Variants in SPRR2G observed in about 807,000 individuals in gnomAD.
SPRR2G encodes small proline rich protein 2G, also known as small proline-rich protein 2G.
Under a neutral mutation model 0.7 loss-of-function variants are expected in SPRR2G, and 1 was observed. That is an observed-to-expected ratio of 1.49 (90% CI 0.53 to 7.06). The LOEUF (loss-of-function observed/expected upper bound fraction) is 7.06, where lower values mean the gene tolerates loss of function less well. Ranked by LOEUF, SPRR2G falls within the 30% of genes most tolerant of loss-of-function variation. The pLI is 0.14. For synonymous variants in SPRR2G, 38 were observed against 33.9 expected, an observed-to-expected ratio of 1.12 and a Z score of -0.42; for missense variants, 96 against 88.5, an observed-to-expected ratio of 1.09 and a Z score of -0.34.
At chr1:153,166,899 TCCA>T in the SPRR2G span, among the ~76,000 whole-genome samples, 2 of 151,830 alleles carry the variant, frequency 1.3e-5, no homozygotes, top group Non-Finnish European at 2.9e-5. Context: ...ACTGTAAAAA[TCCA>T]CTTGATCTCT....
the SPRR2G span, among the ~76,000 whole-genome samples, chr1:153,187,223 T>A: frequency 6.6e-6 from 1 of 152,198 alleles, no homozygotes; most frequent in Admixed American, 6.5e-5. Flanking sequence ...TTCTCTGTAT[T>A]TCCTGAATTT....
the SPRR2G span, among the ~76,000 whole-genome samples, chr1:153,186,238 T>C: frequency 6.6e-6 from 1 of 152,226 alleles, no homozygotes; most frequent in Non-Finnish European, 1.5e-5. Flanking sequence ...GTCTGCTTGG[T>C]CCAGACCTGA....
upstream of SPRR2G, among the ~76,000 whole-genome samples, chr1:153,154,055 A>G (rs375827367): frequency 1.3e-5 from 2 of 151,908 alleles, no homozygotes; most frequent in South Asian, 2.1e-4. Flanking sequence ...GGAAAGCTTT[A>G]TCTGCCTCTA....
upstream of SPRR2G, among the ~76,000 whole-genome samples, chr1:153,153,314 C>T: frequency 6.6e-6 from 1 of 150,684 alleles, no homozygotes; most frequent in South Asian, 2.1e-4. Flanking sequence ...TGAGTAAATA[C>T]TATGTTAGCA....
At chr1:153,195,209 G>C in the SPRR2G span, among the ~76,000 whole-genome samples, 1 of 152,182 alleles carries the variant, frequency 6.6e-6, no homozygotes, top group African/African-American at 2.4e-5. Context: ...CATCTAGGCA[G>C]TACGTTGCTC....
At chr1:153,199,110 A>C in the SPRR2G span, among the ~76,000 whole-genome samples, 1 of 152,250 alleles carries the variant, frequency 6.6e-6, no homozygotes, top group South Asian at 2.1e-4. Context: ...TTATATAATG[A>C]ATGAGCAAAA....
At position 153,149,699 on chromosome 1, in the gene SPRR2G, T is replaced by A; in HGVS notation, c.*190A>T. 1.4e-6 allele frequency: 1 copy of A among 714,246 alleles called. No individual in the cohort carries two copies. Among genetic ancestry groups the A allele is most frequent in the Non-Finnish European group, 2.3e-6 (1 of 428,596 alleles). 44.2% of individuals were successfully genotyped at this position (714,246 alleles called of 1,614,324 possible). On this transcript the variant is annotated 3_prime_UTR_variant, in exon 2 of 2. Transcript: ENST00000368748. ...ACAGCAAAGCGAGATTAGGCAGTGA[T>A]CTGGCTGCTCATCTTCCAACAACAT...
chr1:153,149,620 G>T lies in SPRR2G; in HGVS notation c.*269C>A, dbSNP rs1307989547. The T allele has an allele frequency of 3.7e-6, 2 of 534,162 alleles. No individual in the cohort carries two copies. Among genetic ancestry groups the T allele is most frequent in the Admixed American group, 3.2e-5 (1 of 30,870 alleles). 33.1% of individuals were successfully genotyped at this position (534,162 alleles called of 1,614,324 possible). ...GAAACATGTGCTTTATTGGGGAGAAGCAAAAGAATAAACACACTTGCTCTC... is the reference window on the plus strand; with the variant it reads ...GAAACATGTGCTTTATTGGGGAGAATCAAAAGAATAAACACACTTGCTCTC... On this transcript the variant is annotated 3_prime_UTR_variant, in exon 2 of 2. Transcript: ENST00000368748.
upstream of SPRR2G, among the ~76,000 whole-genome samples, chr1:153,151,585 C>A (rs548803236): frequency 2.6e-5 from 4 of 152,250 alleles, no homozygotes; most frequent in South Asian, 8.3e-4. Context: ...TCTCTGTGGC[C>A]CTTGTAACTA....
At chr1:153,197,784 G>A in the SPRR2G span, among the ~76,000 whole-genome samples, 1 of 151,964 alleles carries the variant, frequency 6.6e-6, no homozygotes, top group Non-Finnish European at 1.5e-5. Context: ...GTATATAGAA[G>A]ATAAAAAATA....
the SPRR2G span, among the ~76,000 whole-genome samples, chr1:153,157,713 C>A: frequency 3.9e-5 from 6 of 152,042 alleles, no homozygotes; most frequent in Non-Finnish European, 2.9e-5. Context: ...AATGTGAAAT[C>A]TATCCTCTTA....
At chr1:153,195,354 C>T in the SPRR2G span, among the ~76,000 whole-genome samples, 1 of 152,216 alleles carries the variant, frequency 6.6e-6, no homozygotes, top group Non-Finnish European at 1.5e-5. Context: ...CCGGCTCCTC[C>T]TCCAAGCAAG....
chr1:153,151,527 G>T (rs1250579814), upstream of SPRR2G, among the ~76,000 whole-genome samples: 1 of 152,058 alleles, frequency 6.6e-6, no homozygotes, highest in East Asian at 1.9e-4. Context: ...AGTCATGTTG[G>T]GGCCCCTTCT....
chr1:153,202,309 T>C, the SPRR2G span, among the ~76,000 whole-genome samples: 1 of 152,170 alleles, frequency 6.6e-6, no homozygotes, highest in Admixed American at 6.5e-5. Context: ...CCCTCCCTTT[T>C]CCTTCCACCA....
At chr1:153,171,314 G>A in the SPRR2G span, among the ~76,000 whole-genome samples, 1 of 152,112 alleles carries the variant, frequency 6.6e-6, no homozygotes, top group Non-Finnish European at 1.5e-5. Flanking sequence ...CTCAAAAAGA[G>A]AGTAAATAAC....
In SPRR2G at chr1:153,150,118, C is replaced by T; in HGVS notation, c.-8G>A. On this transcript the variant is annotated 5_prime_UTR_variant, in exon 2 of 2. Coordinates refer to ENST00000368748, the MANE Select transcript of SPRR2G (RefSeq NM_001014291.4). Reference sequence around the variant, plus strand: ...CTGCTGCTGGTAAGACATCTCTCCTCAGTCTCAGAGAATCTGAAAGATACA... The same window carrying T: ...CTGCTGCTGGTAAGACATCTCTCCTTAGTCTCAGAGAATCTGAAAGATACA... 6.2e-7 allele frequency: 1 copy of T among 1,611,718 alleles called. No homozygotes were observed. The highest frequency in any genetic ancestry group is 8.5e-7 in the Non-Finnish European group (1 of 1,179,838).
rs930024920 is a variant in SPRR2G at position 153,150,128 on chromosome 1, G to T, written c.-18C>A. On this transcript the variant is annotated 5_prime_UTR_variant, in exon 2 of 2. Coordinates refer to ENST00000368748, the MANE Select transcript of SPRR2G (RefSeq NM_001014291.4). Reference sequence around the variant, plus strand: ...TAAGACATCTCTCCTCAGTCTCAGAGAATCTGAAAGATACATACGAAACAG... The same window carrying T: ...TAAGACATCTCTCCTCAGTCTCAGATAATCTGAAAGATACATACGAAACAG... 6.2e-7 allele frequency: 1 copy of T among 1,611,310 alleles called. No homozygotes were observed. Among genetic ancestry groups the T allele is most frequent in the Admixed American group, 1.7e-5 (1 of 60,004 alleles).
the SPRR2G span, among the ~76,000 whole-genome samples, chr1:153,170,281 G>C: frequency 6.6e-6 from 1 of 152,030 alleles, no homozygotes; most frequent in Non-Finnish European, 1.5e-5. Context: ...TTACTCCAAA[G>C]CTCCTTGAAA....
At chr1:153,155,821 T>C (rs1656572484), upstream of SPRR2G, among the ~76,000 whole-genome samples, 1 of 152,212 alleles carries the variant, frequency 6.6e-6, no homozygotes, top group Non-Finnish European at 1.5e-5. Context: ...ACCGGGTTAA[T>C]GTCTACACAA....
Sources: gnomAD v4.1 joint callset for allele counts (sites outside exome capture counted in the v4.1 genomes callset) on GRCh38, gnomAD v4.1.1 for gene constraint, MANE v1.5 for transcripts, NCBI Gene and HGNC (gene_info 2026-07-23, HGNC 2026-07-21) for gene names.